Variants in ZNF799 observed in about 807,000 individuals in gnomAD.
ZNF799 encodes zinc finger protein 14.
ZNF799 carries 28 observed loss-of-function variants against 41.0 expected under a neutral mutation model. The observed-to-expected ratio is 0.68, with a 90% CI of 0.51 to 0.94. The LOEUF is 0.94. ZNF799 is among the 40% of genes least tolerant of loss of function. The probability of loss-of-function intolerance (pLI) is 0.00; values close to 1 mark genes in which losing one functional copy is unlikely to be tolerated. For missense variants in ZNF799, 716 were observed against 764.3 expected (o/e 0.94, Z 0.74); for synonymous variants, 213 against 252.9 (o/e 0.84, Z 1.50).
chr19:12,397,426 G>A (rs931648404), intron 1 of ZNF799, among the ~76,000 whole-genome samples: 9 of 151,458 alleles, frequency 5.9e-5, no homozygotes, highest in Admixed American at 2.0e-4. Flanking sequence ...TTAGCCAGGC[G>A]TGGTGGCCTG....
chr19:12,395,325 A>G (rs1443959786), intron 1 of ZNF799, among the ~76,000 whole-genome samples: 1 of 152,026 alleles, frequency 6.6e-6, no homozygotes, highest in Non-Finnish European at 1.5e-5. Flanking sequence ...TATTTTTACT[A>G]GAGACGGGGT....
intron 1 of ZNF799, among the ~76,000 whole-genome samples, chr19:12,396,923 TACACACACAC>T (rs143970807): frequency 4.7e-5 from 7 of 148,396 alleles, no homozygotes; most frequent in Non-Finnish European, 7.5e-5. Flanking sequence ...ACTCAGATCA[TACACACACAC>T]ACACAAACAC....
Position 12,390,720 on chromosome 19 carries a change from A to G in ZNF799, c.1678T>C (p.Tyr560His), listed in dbSNP as rs770608399. The G allele has an allele frequency of 3.1e-6, 5 of 1,613,730 alleles. No homozygotes were observed. In the South Asian group the frequency reaches 5.5e-5, roughly 18 times the overall value. The stretch of plus-strand genomic sequence containing the variant: ...GCTTTACCACATTGTTGACACTCAT[A>G]GGGTTTCTCTCTCATGTGAATTCTT... Reference protein sequence around the residue: ...HERIHMREKPYECQQCGKAFT... With the variant: ...HERIHMREKPHECQQCGKAFT... Residue 560 changes from tyrosine to histidine, a missense_variant, in exon 4 of 4, where the codon TAT becomes CAT. Tyr to His is a moderately conservative substitution (Grantham distance 83, BLOSUM62 2). Around this residue, in one of 2 missense-constraint regions of ZNF799, gnomAD observed 698 missense variants for 713.6 expected, o/e 0.98. Coordinates refer to ENST00000430385, the MANE Select transcript of ZNF799 (RefSeq NM_001080821.3).
the ZNF799 span, among the ~76,000 whole-genome samples, chr19:12,407,357 G>C: frequency 6.6e-6 from 1 of 151,832 alleles, no homozygotes; most frequent in Non-Finnish European, 1.5e-5. Flanking sequence ...AGGCTACTTG[G>C]AAGGCTAAGA....
At position 12,401,221 on chromosome 19, in the gene ZNF799, G is replaced by C; in HGVS notation, c.-151C>G. ...CCCAGCGCAGGTGGGTGGAGAAGAC[G>C]CCGCGGGCTTTTTCAACCACACACT... On this transcript the variant is annotated 5_prime_UTR_variant, in exon 1 of 4. Transcript: ENST00000430385. The C allele has an allele frequency of 1.3e-6, 2 of 1,494,782 alleles. No homozygotes were observed. The highest frequency in any genetic ancestry group is 8.9e-7 in the Non-Finnish European group (1 of 1,119,496). The allele number at this position is 1,494,782 out of a possible 1,614,324, so 92.6% of individuals were successfully genotyped here. A position where few individuals can be genotyped will look rare whatever the true frequency, so the allele number is the denominator to read the frequency against.
chr19:12,395,285 G>C (rs771969581), intron 1 of ZNF799, among the ~76,000 whole-genome samples: 1 of 151,910 alleles, frequency 6.6e-6, no homozygotes, highest in Non-Finnish European at 1.5e-5. Flanking sequence ...GGGAGTACAG[G>C]CATGCTCCAC....
Position 12,390,358 on chromosome 19 carries a change from C to T in ZNF799, c.*108G>A. On this transcript the variant is annotated 3_prime_UTR_variant, in exon 4 of 4. Transcript: ENST00000430385. ...AAACTGAAATTACTTAAGGTTTTAC[C>T]AAGTGCTTACATTCACAGGGTCTAT... 1.3e-6 allele frequency: 2 copies of T among 1,582,534 alleles called. No homozygotes were observed. The highest frequency in any genetic ancestry group is 2.2e-5 in the East Asian group (1 of 44,680).
At chr19:12,412,876 C>T in the ZNF799 span, among the ~76,000 whole-genome samples, 1 of 151,636 alleles carries the variant, frequency 6.6e-6, no homozygotes, top group Admixed American at 6.6e-5. Context: ...CCTATCTCTA[C>T]TAAAAATAGA....
chr19:12,405,649 C>G (rs1970024447), upstream of ZNF799, among the ~76,000 whole-genome samples: 1 of 152,168 alleles, frequency 6.6e-6, no homozygotes, highest in African/African-American at 2.4e-5. Context: ...GAGGAATAGA[C>G]ATCAGTGTCT....
upstream of ZNF799, among the ~76,000 whole-genome samples, chr19:12,402,374 T>C (rs1312767406): frequency 4.0e-5 from 2 of 49,574 alleles, no homozygotes; most frequent in African/African-American, 1.3e-4. Context: ...CCAGGATAAT[T>C]TGACTTCTTC....
intron 1 of ZNF799, among the ~76,000 whole-genome samples, chr19:12,396,729 G>C (rs1186343032): frequency 6.9e-6 from 1 of 145,740 alleles, no homozygotes; most frequent in African/African-American, 2.6e-5. Flanking sequence ...ATCATCACAA[G>C]TGTTCAAAAG....
chr19:12,410,529 CTCCATTTTGAGAAACTAAAGT>C, the ZNF799 span, among the ~76,000 whole-genome samples: 1 of 151,840 alleles, frequency 6.6e-6, no homozygotes, highest in Non-Finnish European at 1.5e-5. Context: ...AAAATCAATG[CTCCATTTTGAGAAACTAAAGT>C]TCCATTTTGA....
upstream of ZNF799, among the ~76,000 whole-genome samples, chr19:12,402,013 C>A (rs1386917298): frequency 6.6e-6 from 1 of 152,184 alleles, no homozygotes; most frequent in Admixed American, 6.5e-5. Flanking sequence ...ACCTATTAAC[C>A]ATCCCCACTT....
chr19:12,391,860 A>T lies in ZNF799; in HGVS notation c.538T>A (p.Ser180Thr), dbSNP rs1222827205. Residue 180 changes from serine to threonine, a missense_variant, in exon 4 of 4, where the codon TCT becomes ACT. This residue lies in a region of ZNF799 where 698 missense variants were observed against 713.6 expected (regional missense o/e 0.98). Coordinates refer to ENST00000430385, the MANE Select transcript of ZNF799 (RefSeq NM_001080821.3). ...ATGTGTCTTTGAAGGTTTCCCAAAGAACTGAAGGACTTCCCACATTCTTTA... is the reference window on the plus strand; with the variant it reads ...ATGTGTCTTTGAAGGTTTCCCAAAGTACTGAAGGACTTCCCACATTCTTTA... ...NCKECGKSFS[S>T]LGNLQRHMAV... 1 of 1,614,012 alleles carries T rather than the reference A, an allele frequency of 6.2e-7. No individual in the cohort carries two copies. The highest frequency in any genetic ancestry group is 1.7e-5 in the Admixed American group (1 of 60,002).
At chr19:12,408,031 CTG>C in the ZNF799 span, among the ~76,000 whole-genome samples, 3 of 152,106 alleles carry the variant, frequency 2.0e-5, no homozygotes, top group East Asian at 5.8e-4. Context: ...GTGGCACAAA[CTG>C]TAGTCACAGC....
rs1015595095 is a variant in ZNF799, at chr19:12,390,393, G to A, written c.*73C>T. The A allele has an allele frequency of 7.4e-5, 119 of 1,601,504 alleles. No homozygotes were observed. The highest frequency in any genetic ancestry group is 9.4e-5 in the Non-Finnish European group (110 of 1,173,978). On this transcript the variant is annotated 3_prime_UTR_variant, in exon 4 of 4. Coordinates refer to ENST00000430385, the MANE Select transcript of ZNF799 (RefSeq NM_001080821.3). ...CATTCACAGGGTCTATCTCCAATGT[G>A]TTTCGTACAAGTATCTGAAATGAAA...
At chr19:12,395,298 C>A (rs1969878754) in intron 1 of ZNF799, among the ~76,000 whole-genome samples, 1 of 152,052 alleles carries the variant, frequency 6.6e-6, no homozygotes, top group South Asian at 2.1e-4. Flanking sequence ...TGCTCCACCA[C>A]ATCCGGCCAA....
intron 1 of ZNF799, among the ~76,000 whole-genome samples, chr19:12,397,650 A>C (rs1456207944): frequency 6.6e-6 from 1 of 151,818 alleles, no homozygotes; most frequent in East Asian, 1.9e-4. Flanking sequence ...AATCATATAG[A>C]CTCCTCAGTT....
chr19:12,410,131 G>C, the ZNF799 span, among the ~76,000 whole-genome samples: 2 of 151,792 alleles, frequency 1.3e-5, no homozygotes, highest in Non-Finnish European at 2.9e-5. Flanking sequence ...CTGGGCAACA[G>C]AGTGAGACTG....
Sources: allele counts gnomAD v4.1 joint callset (sites outside exome capture counted in the v4.1 genomes callset), GRCh38; gene constraint gnomAD v4.1.1; regional missense constraint gnomAD v4.1.1; transcripts MANE v1.5; gene names NCBI Gene and HGNC (gene_info 2026-07-23, HGNC 2026-07-21).